Variants in KLHL3 observed in about 807,000 individuals in gnomAD.
KLHL3 encodes the protein kelch like family member 3, also known as kelch-like protein 3.
A neutral mutation model predicts 70.5 loss-of-function variants in KLHL3; 19 were observed. The ratio of observed to expected loss-of-function variants is 0.27; its 90% CI spans 0.19 to 0.40. The LOEUF is 0.40. Among genes scored for constraint, KLHL3 ranks in the 10% least tolerant of loss-of-function variants. KLHL3 has a pLI of 1.00. For missense variants in KLHL3, 512 were observed against 771.1 expected (o/e 0.66, Z 3.98); for synonymous variants, 258 against 290.3 (o/e 0.89, Z 1.13).
intron 4 of KLHL3, among the ~76,000 whole-genome samples, chr5:137,697,423 A>G (rs1752472591): frequency 6.6e-6 from 1 of 152,148 alleles, no homozygotes; most frequent in South Asian, 2.1e-4. Context: ...CTCAGCTTCC[A>G]AAAGCGCTGG....
chr5:137,628,840 T>C (rs1750559038), intron 12 of KLHL3: 2 of 153,682 alleles, frequency 1.3e-5, no homozygotes, highest in Admixed American at 1.3e-4. Flanking sequence ...ATTAAAATAT[T>C]AAGAATAATT....
intron 11 of KLHL3, among the ~76,000 whole-genome samples, chr5:137,636,038 G>A (rs1054738194): frequency 6.6e-6 from 1 of 152,140 alleles, no homozygotes; most frequent in Non-Finnish European, 1.5e-5. Flanking sequence ...GAAGAAATGA[G>A]AAGGTGGCTA....
At chr5:137,731,548 G>C (rs1020822073) in intron 1 of KLHL3, among the ~76,000 whole-genome samples, 12 of 152,074 alleles carry the variant, frequency 7.9e-5, no homozygotes, top group African/African-American at 2.7e-4. Flanking sequence ...CTGGATCAAG[G>C]GTAAATAGAT....
chr5:137,727,765 C>CA (rs1753108185), intron 1 of KLHL3, among the ~76,000 whole-genome samples: 1 of 152,078 alleles, frequency 6.6e-6, no homozygotes, highest in African/African-American at 2.4e-5. Context: ...TTCTGTATTC[C>CA]CACAGTACTG....
intron 5 of KLHL3, among the ~76,000 whole-genome samples, chr5:137,686,172 TA>T (rs1191234042): frequency 6.6e-6 from 1 of 152,064 alleles, no homozygotes; most frequent in African/African-American, 2.4e-5. Flanking sequence ...TACATCTAGA[TA>T]AAGAGAAAAC....
At chr5:137,659,709 G>A (rs1751427212) in intron 7 of KLHL3, among the ~76,000 whole-genome samples, 1 of 152,090 alleles carries the variant, frequency 6.6e-6, no homozygotes, top group African/African-American at 2.4e-5. Flanking sequence ...GTGCTTCATG[G>A]GTACAAGAGT....
intron 3 of KLHL3, among the ~76,000 whole-genome samples, chr5:137,700,264 A>T (rs1030755165): frequency 2.6e-5 from 4 of 152,282 alleles, no homozygotes; most frequent in Admixed American, 1.3e-4. Flanking sequence ...GCTATTAAAA[A>T]GTTCATTGAT....
chr5:137,660,371 C>G (rs1045307214), intron 7 of KLHL3, among the ~76,000 whole-genome samples: 1 of 152,138 alleles, frequency 6.6e-6, no homozygotes, highest in Non-Finnish European at 1.5e-5. Flanking sequence ...CCTGTGGAAG[C>G]GAGACTATAC....
At chr5:137,637,448 G>T in intron 10 of KLHL3, 53 bp from the exon 11 acceptor site, 1 of 1,521,640 alleles carries the variant, frequency 6.6e-7, no homozygotes, top group Non-Finnish European at 9.1e-7. Flanking sequence ...TCACCCTGCT[G>T]TGTGAGAAGC....
chr5:137,638,218 G>T (rs1358011731), intron 10 of KLHL3, among the ~76,000 whole-genome samples: 1 of 152,176 alleles, frequency 6.6e-6, no homozygotes, highest in Non-Finnish European at 1.5e-5. Context: ...AAAGACCCTG[G>T]AATTATATGA....
intron 11 of KLHL3, among the ~76,000 whole-genome samples, chr5:137,636,259 TC>T (rs1258228587): frequency 1.3e-5 from 2 of 152,238 alleles, no homozygotes; most frequent in Admixed American, 1.3e-4. Flanking sequence ...AAAGAATCTT[TC>T]TATTAATGTC....
At chr5:137,629,632 T>A (rs990016130) in intron 12 of KLHL3, 5 of 152,246 alleles carry the variant, frequency 3.3e-5, no homozygotes, top group African/African-American at 1.2e-4. Context: ...CAGTAGGTTC[T>A]CAAGAGATAT....
chr5:137,717,502 C>A (rs1752917224), intron 2 of KLHL3, among the ~76,000 whole-genome samples: 1 of 152,180 alleles, frequency 6.6e-6, no homozygotes, highest in African/African-American at 2.4e-5. Context: ...TGCATTCCGG[C>A]CTGGGCCACA....
At chr5:137,670,548 A>ACCC (rs1751728673) in intron 6 of KLHL3, among the ~76,000 whole-genome samples, 1 of 151,924 alleles carries the variant, frequency 6.6e-6, no homozygotes. Context: ...AATATCCCTT[A>ACCC]AAGGTTCACA....
chr5:137,723,055 A>T (rs1753027648), intron 1 of KLHL3, among the ~76,000 whole-genome samples: 4 of 152,162 alleles, frequency 2.6e-5, no homozygotes, highest in African/African-American at 9.7e-5. Context: ...TATTTTTCTC[A>T]TGCATCTGTC....
chr5:137,625,718 C>T, intron 14 of KLHL3, 35 bp downstream of exon 14: 2 of 1,612,566 alleles, frequency 1.2e-6, no homozygotes, highest in Non-Finnish European at 8.5e-7. Flanking sequence ...GTGTTGGAGG[C>T]CTCTCGGATG....
chr5:137,658,509 A>T (rs547942835), intron 7 of KLHL3, among the ~76,000 whole-genome samples: 1 of 152,340 alleles, frequency 6.6e-6, no homozygotes, highest in African/African-American at 2.4e-5. Flanking sequence ...AACGTCTCTG[A>T]TCCTCAGTTT....
intron 2 of KLHL3, among the ~76,000 whole-genome samples, chr5:137,718,512 CA>C (rs1752938833): frequency 6.6e-6 from 1 of 152,094 alleles, no homozygotes; most frequent in Non-Finnish European, 1.5e-5. Flanking sequence ...AAAAAATAAA[CA>C]AACAAAGAAA....
In KLHL3 at chr5:137,687,783, A is replaced by T. The variant is rs562463129; in HGVS notation, c.526+4502T>A. On this transcript the variant is annotated intron_variant, in intron 5 of 14. Coordinates refer to ENST00000309755, the MANE Select transcript of KLHL3 (RefSeq NM_017415.3). ...ATGGTTGCCAGGTCTGTGTGGATAG[A>T]AGTAGACATGGGAGACTTTTCATTT... is the stretch of plus-strand genomic sequence containing the variant. 6.1e-5 allele frequency among the ~76,000 whole-genome samples: 3 copies of T among 49,178 alleles called. 1 individual carries two copies. Among genetic ancestry groups the T allele is most frequent in the Non-Finnish European group, 1.1e-4 (3 of 26,144 alleles). The allele number at this position is 49,178 out of a possible 152,430, so 32.3% of individuals were successfully genotyped here. A position where few individuals can be genotyped will look rare whatever the true frequency, so the allele number is the denominator to read the frequency against.
Sources: gnomAD v4.1 joint callset for allele counts (sites outside exome capture counted in the v4.1 genomes callset) on GRCh38, gnomAD v4.1.1 for gene constraint, MANE v1.5 for transcripts, NCBI Gene and HGNC (gene_info 2026-07-23, HGNC 2026-07-21) for gene names.